Variants in CACNA2D1 observed in about 807,000 individuals in gnomAD.
CACNA2D1 encodes voltage-dependent calcium channel subunit alpha-2/delta-1.
A neutral mutation model predicts 171.5 loss-of-function variants in CACNA2D1; 53 were observed. That is an observed-to-expected ratio of 0.31 (90% CI 0.25 to 0.39). CACNA2D1 has a LOEUF of 0.39. Ranked by LOEUF, CACNA2D1 falls within the 10% of genes least tolerant of loss-of-function variation. The pLI is 1.00. For synonymous variants in CACNA2D1, 442 were observed against 443.1 expected (o/e 1.00, Z 0.03); for missense variants, 903 against 1,299.8 (o/e 0.69, Z 4.69).
At chr7:81,998,079 T>C (rs901256187) in intron 18 of CACNA2D1, among the ~76,000 whole-genome samples, 3 of 151,996 alleles carry the variant, frequency 2.0e-5, no homozygotes, top group African/African-American at 7.2e-5. Flanking sequence ...ATTATTTTAA[T>C]GTCTCAATTG....
intron 33 of CACNA2D1, 38 bp from the exon 34 acceptor site, chr7:81,964,146 C>G: frequency 6.2e-7 from 1 of 1,606,638 alleles, no homozygotes; most frequent in Non-Finnish European, 8.5e-7. Flanking sequence ...CAGTAGTCTA[C>G]TTGATACTGA....
At chr7:82,419,266 T>C (rs769975548) in intron 1 of CACNA2D1, among the ~76,000 whole-genome samples, 3 of 152,180 alleles carry the variant, frequency 2.0e-5, no homozygotes, top group Non-Finnish European at 4.4e-5. Flanking sequence ...AAAATCTTCA[T>C]TAGTTTACTA....
chr7:82,326,814 G>A (rs1429600902), intron 3 of CACNA2D1, among the ~76,000 whole-genome samples: 2 of 149,410 alleles, frequency 1.3e-5, no homozygotes, highest in Non-Finnish European at 3.0e-5. Context: ...ACCATTATCA[G>A]ATCCTATCTA....
At position 81,997,664 on chromosome 7, in the gene CACNA2D1, T is replaced by TAA. The variant is rs34518880; in HGVS notation, c.1591-416_1591-415dup. Among the ~76,000 whole-genome samples the TAA allele has an allele frequency of 8.8e-3, 1,231 of 139,974 alleles. 24 individuals are homozygous for TAA. Among genetic ancestry groups the TAA allele is most frequent in the African/African-American group, 0.029 (1,147 of 39,326 alleles). 91.8% of individuals were successfully genotyped at this position (139,974 alleles called of 152,430 possible). On this transcript the variant is annotated intron_variant, in intron 18 of 38. Transcript: ENST00000356860. ...CATGTAAGCATACTTTTAAAATTTG[T>TAA]AAAAAAAAAAAAAAGTGTATGAGAA...
chr7:81,988,629 C>A (rs927871315), intron 21 of CACNA2D1, among the ~76,000 whole-genome samples: 1 of 152,168 alleles, frequency 6.6e-6, no homozygotes, highest in African/African-American at 2.4e-5. Flanking sequence ...GTTAAAGAGA[C>A]TTCCGTACTT....
intron 25 of CACNA2D1, among the ~76,000 whole-genome samples, chr7:81,973,338 T>C (rs1293236683): frequency 6.6e-6 from 1 of 152,016 alleles, no homozygotes; most frequent in Non-Finnish European, 1.5e-5. Flanking sequence ...TGTTAAGACA[T>C]GATCAATGTA....
chr7:82,068,242 C>T (rs1807895448), intron 7 of CACNA2D1, among the ~76,000 whole-genome samples: 1 of 152,096 alleles, frequency 6.6e-6, no homozygotes, highest in South Asian at 2.1e-4. Context: ...TCACCTGTAC[C>T]CCTCCAGCCC....
At chr7:82,118,629 C>A (rs1789354077) in intron 5 of CACNA2D1, among the ~76,000 whole-genome samples, 1 of 151,960 alleles carries the variant, frequency 6.6e-6, no homozygotes, top group African/African-American at 2.4e-5. Context: ...TATTATAAAG[C>A]TTGTCTTACA....
chr7:82,202,069 G>T (rs1405481707), intron 3 of CACNA2D1, among the ~76,000 whole-genome samples: 1 of 152,148 alleles, frequency 6.6e-6, no homozygotes, highest in African/African-American at 2.4e-5. Context: ...TGGAGTGCGG[G>T]CACACAATTC....
intron 3 of CACNA2D1, among the ~76,000 whole-genome samples, chr7:82,318,995 G>A (rs978928402): frequency 6.6e-6 from 1 of 152,204 alleles, no homozygotes; most frequent in South Asian, 2.1e-4. Context: ...AAGGCAGAGT[G>A]AGGAGATATG....
chr7:82,351,360 T>C (rs1297521158), intron 1 of CACNA2D1, among the ~76,000 whole-genome samples: 3 of 151,466 alleles, frequency 2.0e-5, no homozygotes, highest in Non-Finnish European at 2.9e-5. Flanking sequence ...TTAAATGACA[T>C]GTAAGAGAGC....
chr7:81,966,068 T>A (rs897664869), intron 31 of CACNA2D1, among the ~76,000 whole-genome samples: 6 of 151,942 alleles, frequency 3.9e-5, no homozygotes, highest in African/African-American at 1.4e-4. Flanking sequence ...TCATTTTAGT[T>A]GTCCTGTTTC....
At chr7:82,360,187 T>TA (rs145584428) in intron 1 of CACNA2D1, among the ~76,000 whole-genome samples, 1 of 152,336 alleles carries the variant, frequency 6.6e-6, no homozygotes, top group African/African-American at 2.4e-5. Flanking sequence ...AACTTGGAGA[T>TA]ACCTCTTGTT....
chr7:82,322,683 G>C (rs1416483099), intron 3 of CACNA2D1, among the ~76,000 whole-genome samples: 1 of 152,122 alleles, frequency 6.6e-6, no homozygotes, highest in Non-Finnish European at 1.5e-5. Context: ...TAAAGTGACA[G>C]AGCATTTCAT....
At chr7:81,956,745 TCAATGACTACTTGGAAAC>T (rs1793409551) in intron 38 of CACNA2D1, among the ~76,000 whole-genome samples, 1 of 152,100 alleles carries the variant, frequency 6.6e-6, no homozygotes, top group Non-Finnish European at 1.5e-5. Flanking sequence ...GGCTTCCTAA[TCAATGACTACTTGGAAAC>T]CAATGACAAA....
At chr7:82,153,922 G>A (rs1250675023) in intron 4 of CACNA2D1, among the ~76,000 whole-genome samples, 1 of 151,948 alleles carries the variant, frequency 6.6e-6, no homozygotes, top group African/African-American at 2.4e-5. Context: ...AAAACACTTA[G>A]GAGGAAGAAA....
intron 3 of CACNA2D1, among the ~76,000 whole-genome samples, chr7:82,192,366 C>T (rs1381968559): frequency 6.6e-6 from 1 of 150,528 alleles, no homozygotes; most frequent in South Asian, 2.1e-4. Flanking sequence ...TCAGAACAGG[C>T]CCCAAGTTAT....
chr7:82,242,653 A>G (rs957733547), intron 3 of CACNA2D1, among the ~76,000 whole-genome samples: 2 of 152,194 alleles, frequency 1.3e-5, no homozygotes, highest in Admixed American at 6.5e-5. Flanking sequence ...AAGAGATCTT[A>G]TTCAGAAAAT....
intron 24 of CACNA2D1, among the ~76,000 whole-genome samples, chr7:81,975,835 C>T (rs888329357): frequency 2.6e-5 from 4 of 151,666 alleles, no homozygotes; most frequent in Non-Finnish European, 5.9e-5. Flanking sequence ...TTCTAATTTT[C>T]GTTGGAAAGC....
Sources: gnomAD v4.1 joint callset for allele counts (sites outside exome capture counted in the v4.1 genomes callset) on GRCh38, gnomAD v4.1.1 for gene constraint, MANE v1.5 for transcripts, NCBI Gene and HGNC (gene_info 2026-07-23, HGNC 2026-07-21) for gene names.